The following MCPH1 variants were observed in gnomAD, a reference collection of about 807,000 sequenced individuals.
MCPH1 encodes microcephalin 1, also known as microcephalin.
In MCPH1, 104 loss-of-function variants were observed where a neutral mutation model predicts 84.5. The ratio of observed to expected loss-of-function variants is 1.23; its 90% CI spans 1.05 to 1.45. The LOEUF is 1.45. MCPH1 is among the 40% of genes most tolerant of loss of function. MCPH1 has a pLI of 0.00. For synonymous variants in MCPH1, 514 were observed against 366.8 expected, an observed-to-expected ratio of 1.40 and a Z score of -4.58; for missense variants, 1,498 against 1,005.7, an observed-to-expected ratio of 1.49 and a Z score of -6.62.
chr8:6,522,253 G>C (rs2129569494), intron 12 of MCPH1, among the ~76,000 whole-genome samples: 1 of 152,248 alleles, frequency 6.6e-6, no homozygotes, highest in South Asian at 2.1e-4. Context: ...TACTCTGGAG[G>C]CTGAGGCAGG....
In MCPH1 at chr8:6,503,812, C is replaced by G. The variant is rs116051409; in HGVS notation, c.2214+3883C>G. Reference sequence around the variant, plus strand: ...AGAGTGTGTGCTCGCTCAGCTAAAGCCAGGGCAGGAGAGGTGTCCAGCACA... The same window carrying G: ...AGAGTGTGTGCTCGCTCAGCTAAAGGCAGGGCAGGAGAGGTGTCCAGCACA... On this transcript the variant is annotated intron_variant, in intron 12 of 13. Transcript: ENST00000344683. Among the ~76,000 whole-genome samples, 1,403 of 152,246 alleles carry G rather than the reference C, an allele frequency of 9.2e-3. 23 individuals are homozygous for G. The highest frequency in any genetic ancestry group is 0.032 in the African/African-American group (1,318 of 41,532).
At chr8:6,430,564 A>G (rs1320451233) in intron 3 of MCPH1, among the ~76,000 whole-genome samples, 1 of 152,146 alleles carries the variant, frequency 6.6e-6, no homozygotes, top group Non-Finnish European at 1.5e-5. Context: ...CTTTATTCCT[A>G]ATATATTTTG....
Position 6,481,735 on chromosome 8 carries a change from C to T in MCPH1, c.2136+859C>T, listed in dbSNP as rs1245417401. On this transcript the variant is annotated intron_variant, in intron 11 of 13. Coordinates refer to ENST00000344683, the MANE Select transcript of MCPH1 (RefSeq NM_024596.5). The stretch of plus-strand genomic sequence containing the variant: ...GTGCTTCTAGTTGTGAAGTGGAAAA[C>T]GTTGAAATTCCAAAAGTAAGCACTG... Among the ~76,000 whole-genome samples, 9 of 152,264 alleles carry T rather than the reference C, an allele frequency of 5.9e-5. No individual in the cohort carries two copies. In the East Asian group the frequency reaches 1.3e-3, roughly 23 times the overall value.
At chr8:6,439,551 A>AT (rs902117709) in intron 6 of MCPH1, among the ~76,000 whole-genome samples, 4 of 150,126 alleles carry the variant, frequency 2.7e-5, no homozygotes, top group Admixed American at 6.6e-5. Flanking sequence ...CTCCTGGCTA[A>AT]TTTTTTTTTG....
At chr8:6,555,262 A>G (rs893121828) in intron 12 of MCPH1, among the ~76,000 whole-genome samples, 2 of 152,152 alleles carry the variant, frequency 1.3e-5, no homozygotes, top group Non-Finnish European at 2.9e-5. Context: ...TCAAACTCTA[A>G]TAGTGGGAAG....
At chr8:6,642,701 C>T (rs1335213507) in intron 13 of MCPH1, 20 of 473,276 alleles carry the variant, frequency 4.2e-5, no homozygotes, top group Non-Finnish European at 1.2e-5. Context: ...TCCCACCCTG[C>T]CCACTGAGTG....
At chr8:6,472,624 G>A (rs543943400) in intron 9 of MCPH1, among the ~76,000 whole-genome samples, 1 of 152,126 alleles carries the variant, frequency 6.6e-6, no homozygotes, top group East Asian at 1.9e-4. Flanking sequence ...CTGCCACCAT[G>A]CCTGGCTAAT....
intron 12 of MCPH1, among the ~76,000 whole-genome samples, chr8:6,613,958 T>A (rs1217154246): frequency 1.3e-5 from 2 of 152,062 alleles, no homozygotes; most frequent in African/African-American, 4.8e-5. Flanking sequence ...ACCAGAATAG[T>A]TAATGGTGTG....
rs939213543 is a variant in MCPH1 at position 6,645,849 on chromosome 8, A to T, written c.*2800A>T. 2 of 152,208 alleles carry T rather than the reference A, an allele frequency of 1.3e-5. No homozygotes were observed. The highest frequency in any genetic ancestry group is 2.1e-4 in the South Asian group (1 of 4,828). 9.4% of individuals were successfully genotyped at this position (152,208 alleles called of 1,614,324 possible). A position where few individuals can be genotyped will look rare whatever the true frequency, so the allele number is the denominator to read the frequency against. ...GTAACATCTGTATACTGAAACCTGT[A>T]AAACATTGCTGAAAGAAGTTAAAGA... On this transcript the variant is annotated 3_prime_UTR_variant, in exon 14 of 14. Coordinates refer to ENST00000344683, the MANE Select transcript of MCPH1 (RefSeq NM_024596.5).
At chr8:6,479,904 A>G (rs1586019028) in intron 10 of MCPH1, among the ~76,000 whole-genome samples, 1 of 152,246 alleles carries the variant, frequency 6.6e-6, no homozygotes, top group Non-Finnish European at 1.5e-5. Context: ...CCCAGATTTG[A>G]TTTGATGATT....
intron 13 of MCPH1, among the ~76,000 whole-genome samples, chr8:6,623,452 C>T (rs954096899): frequency 2.0e-5 from 3 of 151,846 alleles, no homozygotes; most frequent in Non-Finnish European, 4.4e-5. Context: ...AGTACTTTTG[C>T]ATGTCTCTAA....
rs755280764 is a variant in MCPH1 at position 6,621,674 on chromosome 8, C to T, written c.2435C>T (p.Ser812Phe). ...GKKKATVKYLSEKWVLDSITQ... is the reference protein window; with the variant it reads ...GKKKATVKYLFEKWVLDSITQ... ...AAGAAAGCCACAGTCAAGTATCTGT[C>T]TGAGAAATGGGTCTTAGGTAAGAAT... The change falls in exon 13 of 14, where the codon TCT (serine) becomes TTT (phenylalanine). Residue 812 changes from serine (S) to phenylalanine (F), a missense_variant. Ser to Phe is a radical substitution (Grantham distance 155, BLOSUM62 -2). Coordinates refer to ENST00000344683, the MANE Select transcript of MCPH1 (RefSeq NM_024596.5). The T allele has an allele frequency of 6.2e-7, 1 of 1,614,200 alleles. No individual in the cohort carries two copies. Among genetic ancestry groups the T allele is most frequent in the Non-Finnish European group, 8.5e-7 (1 of 1,180,044 alleles).
chr8:6,458,771 A>G (rs886128262), intron 9 of MCPH1, among the ~76,000 whole-genome samples: 1 of 151,904 alleles, frequency 6.6e-6, no homozygotes, highest in Non-Finnish European at 1.5e-5. Flanking sequence ...CAGCCTCCTT[A>G]GTAGCTGGAA....
chr8:6,584,806 A>G (rs1214250776), intron 12 of MCPH1, among the ~76,000 whole-genome samples: 1 of 152,202 alleles, frequency 6.6e-6, no homozygotes, highest in African/African-American at 2.4e-5. Context: ...TTGCTTGCAA[A>G]CGTAGTTCTT....
intron 12 of MCPH1, among the ~76,000 whole-genome samples, chr8:6,584,762 T>C (rs1456912771): frequency 6.6e-6 from 1 of 152,252 alleles, no homozygotes; most frequent in African/African-American, 2.4e-5. Context: ...AATGCAGTCA[T>C]CATCTGACAA....
intron 9 of MCPH1, among the ~76,000 whole-genome samples, chr8:6,458,669 G>A (rs997593827): frequency 4.6e-5 from 7 of 152,010 alleles, no homozygotes; most frequent in African/African-American, 1.7e-4. Context: ...TTCTGAGATG[G>A]AGTATCACTC....
At chr8:6,441,556 A>C (rs1803512166) in intron 6 of MCPH1, among the ~76,000 whole-genome samples, 1 of 152,198 alleles carries the variant, frequency 6.6e-6, no homozygotes, top group African/African-American at 2.4e-5. Context: ...TTGACATCCT[A>C]AGTGTTTTCT....
chr8:6,447,580 C>T (rs889489268), intron 8 of MCPH1, among the ~76,000 whole-genome samples: 2 of 152,142 alleles, frequency 1.3e-5, no homozygotes, highest in Non-Finnish European at 2.9e-5. Flanking sequence ...GACATAGTCT[C>T]GCACTTGACG....
chr8:6,604,290 A>G (rs1586768200), intron 12 of MCPH1, among the ~76,000 whole-genome samples: 2 of 152,194 alleles, frequency 1.3e-5, no homozygotes, highest in Non-Finnish European at 2.9e-5. Flanking sequence ...AATGTGCTTC[A>G]CCCACTGCCT....
Sources: gnomAD v4.1 joint callset for allele counts (sites outside exome capture counted in the v4.1 genomes callset) on GRCh38, gnomAD v4.1.1 for gene constraint, MANE v1.5 for transcripts, NCBI Gene and HGNC (gene_info 2026-07-23, HGNC 2026-07-21) for gene names.